Variants in PRKG1 observed in about 807,000 individuals in gnomAD.
PRKG1 encodes the protein cGMP-dependent protein kinase 1.
PRKG1 carries 35 observed loss-of-function variants against 88.1 expected under a neutral mutation model. That is an observed-to-expected ratio of 0.40 (90% CI 0.30 to 0.53). The LOEUF is 0.53. PRKG1 is among the 20% of genes least tolerant of loss of function. The pLI is 0.59. For synonymous variants in PRKG1, 303 were observed against 292.5 expected, an observed-to-expected ratio of 1.04 and a Z score of -0.37; for missense variants, 540 against 839.8, an observed-to-expected ratio of 0.64 and a Z score of 4.41.
At chr10:51,510,927 A>AT (rs1841381995) in intron 3 of PRKG1, among the ~76,000 whole-genome samples, 1 of 121,350 alleles carries the variant, frequency 8.2e-6, no homozygotes, top group Admixed American at 8.1e-5. Flanking sequence ...TTTTTTTTGT[A>AT]TTTTTAGTAG....
At chr10:51,236,454 C>T (rs1915673) in intron 2 of PRKG1, among the ~76,000 whole-genome samples, 63,588 of 151,292 alleles carry the variant, frequency 0.42, 13,424 homozygotes, top group Middle Eastern at 0.51. Flanking sequence ...GTTTGCATTC[C>T]GAATATGCAT....
At chr10:51,470,141 T>C (rs1015036610) in intron 3 of PRKG1, among the ~76,000 whole-genome samples, 6 of 151,958 alleles carry the variant, frequency 3.9e-5, no homozygotes, top group Admixed American at 3.9e-4. Flanking sequence ...AAAATGACTA[T>C]GTAATATAAC....
chr10:51,388,517 C>T (rs1015462293), intron 2 of PRKG1, among the ~76,000 whole-genome samples: 2 of 152,064 alleles, frequency 1.3e-5, no homozygotes, highest in Non-Finnish European at 2.9e-5. Flanking sequence ...ACCAAAGGCC[C>T]TATGAATATG....
intron 1 of PRKG1, among the ~76,000 whole-genome samples, chr10:51,011,889 A>G (rs1198244881): frequency 6.6e-6 from 1 of 152,202 alleles, no homozygotes; most frequent in Non-Finnish European, 1.5e-5. Context: ...TAACGGACTC[A>G]CAGTTCCATG....
chr10:51,765,481 C>T (rs1838134035), intron 3 of PRKG1, among the ~76,000 whole-genome samples: 1 of 152,192 alleles, frequency 6.6e-6, no homozygotes, highest in Non-Finnish European at 1.5e-5. Flanking sequence ...GCCAAATTAA[C>T]CTCTCATTGC....
intron 3 of PRKG1, among the ~76,000 whole-genome samples, chr10:51,491,109 T>G (rs1840698333): frequency 6.6e-6 from 1 of 152,042 alleles, no homozygotes; most frequent in African/African-American, 2.4e-5. Flanking sequence ...CCAGGAAGAC[T>G]TTGATATGTA....
Position 51,964,683 on chromosome 10 carries a change from G to A in PRKG1, c.762+57113G>A, listed in dbSNP as rs115114655. Among the ~76,000 whole-genome samples the A allele has an allele frequency of 2.1e-3, 323 of 152,126 alleles. 2 individuals are homozygous for A. The highest frequency in any genetic ancestry group is 6.7e-3 in the African/African-American group (277 of 41,500). Reference sequence around the variant, plus strand: ...TATCAAATTTTATAGGTACACACACGCATAAACACACAGAGAAAAACTGAA... The same window carrying A: ...TATCAAATTTTATAGGTACACACACACATAAACACACAGAGAAAAACTGAA... On this transcript the variant is annotated intron_variant, in intron 5 of 17. Coordinates refer to ENST00000373980, the MANE Select transcript of PRKG1 (RefSeq NM_006258.4).
At chr10:51,611,445 G>T (rs116511736) in intron 3 of PRKG1, among the ~76,000 whole-genome samples, 5,950 of 149,632 alleles carry the variant, frequency 0.04, 167 homozygotes, top group Middle Eastern at 0.089. Flanking sequence ...ATCTATTCAT[G>T]TCCTTTGCCA....
At chr10:51,099,725 C>T (rs920488709) in intron 1 of PRKG1, among the ~76,000 whole-genome samples, 2 of 152,148 alleles carry the variant, frequency 1.3e-5, no homozygotes, top group Non-Finnish European at 2.9e-5. Context: ...ATAAAGAGAC[C>T]ATCATTAGAA....
At chr10:51,547,655 T>C (rs1010593035) in intron 3 of PRKG1, among the ~76,000 whole-genome samples, 2 of 152,136 alleles carry the variant, frequency 1.3e-5, no homozygotes, top group African/African-American at 4.8e-5. Context: ...AGTAATGGTC[T>C]TTTAAAAAAA....
chr10:51,122,661 A>G, intron 1 of PRKG1, among the ~76,000 whole-genome samples: 1 of 152,206 alleles, frequency 6.6e-6, no homozygotes, highest in East Asian at 1.9e-4. Context: ...GAAAGAAAAA[A>G]GCAGCCAGTG....
At chr10:51,373,791 A>G (rs2132613730) in intron 2 of PRKG1, among the ~76,000 whole-genome samples, 1 of 152,208 alleles carries the variant, frequency 6.6e-6, no homozygotes, top group African/African-American at 2.4e-5. Flanking sequence ...AAACTAACGC[A>G]GGTGTTTCTT....
Position 52,246,965 on chromosome 10 carries a change from T to C in PRKG1, c.1077-4605T>C, listed in dbSNP as rs571896400. Among the ~76,000 whole-genome samples, 4 of 107,688 alleles carry C rather than the reference T, an allele frequency of 3.7e-5. No individual in the cohort carries two copies. In the East Asian group the frequency reaches 2.1e-3, roughly 56 times the overall value. 70.6% of individuals were successfully genotyped at this position (107,688 alleles called of 152,430 possible). On this transcript the variant is annotated intron_variant, in intron 9 of 17. Transcript: ENST00000373980. ...TCACCATAGCCCCAGATGAATCTTA[T>C]AATCAGACATATTTGATTTGAGAAA...
intron 3 of PRKG1, among the ~76,000 whole-genome samples, chr10:51,710,638 G>A (rs1026774174): frequency 6.6e-6 from 1 of 152,150 alleles, no homozygotes; most frequent in Non-Finnish European, 1.5e-5. Context: ...GTAATTTCTT[G>A]AGAACAAATT....
At chr10:52,075,374 G>C (rs192378205) in intron 7 of PRKG1, among the ~76,000 whole-genome samples, 11 of 152,166 alleles carry the variant, frequency 7.2e-5, no homozygotes, top group African/African-American at 2.4e-4. Flanking sequence ...AGATTTTTTT[G>C]GTTGAAATTG....
chr10:51,846,497 A>G (rs1840401996), intron 4 of PRKG1, among the ~76,000 whole-genome samples: 1 of 152,190 alleles, frequency 6.6e-6, no homozygotes, highest in East Asian at 1.9e-4. Flanking sequence ...TACTAAATCT[A>G]TAATGCAACC....
At chr10:51,706,515 A>T (rs1045282145) in intron 3 of PRKG1, among the ~76,000 whole-genome samples, 31 of 147,570 alleles carry the variant, frequency 2.1e-4, no homozygotes, top group African/African-American at 7.7e-4. Context: ...GTCCAGCCCA[A>T]TTTTTTTTTT....
intron 2 of PRKG1, among the ~76,000 whole-genome samples, chr10:51,170,126 G>C (rs542385867): frequency 3.3e-5 from 5 of 152,112 alleles, no homozygotes; most frequent in African/African-American, 9.6e-5. Context: ...AAGCACACTG[G>C]TCAGATTGGG....
At chr10:52,000,374 AAG>A (rs71759097) in intron 5 of PRKG1, among the ~76,000 whole-genome samples, 4 of 152,234 alleles carry the variant, frequency 2.6e-5, no homozygotes, top group African/African-American at 9.6e-5. Context: ...TGTAAATTAA[AAG>A]AAGTATTTTA....
Sources: gnomAD v4.1 joint callset for allele counts (sites outside exome capture counted in the v4.1 genomes callset) on GRCh38, gnomAD v4.1.1 for gene constraint, MANE v1.5 for transcripts, NCBI Gene and HGNC (gene_info 2026-07-23, HGNC 2026-07-21) for gene names.